The following TENM3 variants were observed in gnomAD, a reference collection of about 807,000 sequenced individuals.
TENM3 encodes teneurin transmembrane protein 3.
In TENM3, 63 loss-of-function variants were observed where a neutral mutation model predicts 255.1. That is an observed-to-expected ratio of 0.25 (90% CI 0.20 to 0.30). TENM3 has a LOEUF of 0.30. Ranked by LOEUF, TENM3 falls within the 10% of genes least tolerant of loss-of-function variation. The pLI, the probability that TENM3 is intolerant of heterozygous loss-of-function variation, is 1.00. For missense variants in TENM3, 2,929 were observed against 3,461.1 expected, an observed-to-expected ratio of 0.85 and a Z score of 3.86; for synonymous variants, 1,306 against 1,322.3, an observed-to-expected ratio of 0.99 and a Z score of 0.27.
the TENM3 span, among the ~76,000 whole-genome samples, chr4:181,629,105 T>A: frequency 6.6e-6 from 1 of 152,316 alleles, no homozygotes; most frequent in East Asian, 1.9e-4. Context: ...CAATTGTGAA[T>A]GGGAGTTCAC....
the TENM3 span, among the ~76,000 whole-genome samples, chr4:181,711,513 T>A: frequency 6.6e-6 from 1 of 152,220 alleles, no homozygotes; most frequent in African/African-American, 2.4e-5. Flanking sequence ...AAAACAATCC[T>A]ATTTGACATT....
At chr4:182,533,071 AAG>A (rs1739932753) in intron 3 of TENM3, among the ~76,000 whole-genome samples, 2 of 152,210 alleles carry the variant, frequency 1.3e-5, no homozygotes, top group South Asian at 4.1e-4. Flanking sequence ...TTGAGCACTA[AAG>A]AGAGTTGTGC....
At chr4:182,157,183 G>A (rs974666282) in intron 1 of TENM3, among the ~76,000 whole-genome samples, 2 of 152,076 alleles carry the variant, frequency 1.3e-5, no homozygotes, top group African/African-American at 4.8e-5. Context: ...ATAACAAAGG[G>A]GCCCTGGGGC....
the TENM3 span, among the ~76,000 whole-genome samples, chr4:181,628,643 T>G: frequency 6.6e-6 from 1 of 152,214 alleles, no homozygotes; most frequent in Non-Finnish European, 1.5e-5. Context: ...CAGATGGTTG[T>G]AGATGTGTGG....
intron 3 of TENM3, among the ~76,000 whole-genome samples, chr4:182,582,295 C>T (rs1489421644): frequency 6.6e-6 from 1 of 152,168 alleles, no homozygotes; most frequent in Non-Finnish European, 1.5e-5. Flanking sequence ...AATAATTATT[C>T]CTGTATAAAT....
the TENM3 span, among the ~76,000 whole-genome samples, chr4:181,489,560 A>G: frequency 2.6e-5 from 4 of 152,322 alleles, no homozygotes; most frequent in African/African-American, 7.2e-5. Context: ...TGGAAGTCTC[A>G]CTGTTTATTT....
At chr4:181,776,979 G>C in the TENM3 span, among the ~76,000 whole-genome samples, 1 of 151,872 alleles carries the variant, frequency 6.6e-6, no homozygotes, top group African/African-American at 2.4e-5. Context: ...CTATGCTTTT[G>C]AAGTCTTAGC....
At chr4:181,552,043 A>G in the TENM3 span, among the ~76,000 whole-genome samples, 1 of 151,830 alleles carries the variant, frequency 6.6e-6, no homozygotes, top group Non-Finnish European at 1.5e-5. Flanking sequence ...GGTGAGAGAG[A>G]CAGAGAGAGA....
At chr4:181,665,803 AAATAAT>A in the TENM3 span, among the ~76,000 whole-genome samples, 1 of 152,238 alleles carries the variant, frequency 6.6e-6, no homozygotes, top group Admixed American at 6.5e-5. Context: ...AATTAAAAGC[AAATAAT>A]AATGTTCAAG....
chr4:182,196,155 C>T (rs1353669201), intron 1 of TENM3, among the ~76,000 whole-genome samples: 1 of 152,108 alleles, frequency 6.6e-6, no homozygotes, highest in Non-Finnish European at 1.5e-5. Flanking sequence ...CATCCCCACG[C>T]CATCCCCCGT....
chr4:181,948,183 A>G, the TENM3 span, among the ~76,000 whole-genome samples: 6 of 152,310 alleles, frequency 3.9e-5, no homozygotes. Flanking sequence ...TGGAGGTTAC[A>G]AAACACACTT....
At chr4:181,634,987 A>G in the TENM3 span, among the ~76,000 whole-genome samples, 1 of 152,174 alleles carries the variant, frequency 6.6e-6, no homozygotes, top group African/African-American at 2.4e-5. Context: ...GAAGCAGGAA[A>G]GAGAAAAATA....
At chr4:181,961,654 C>T in the TENM3 span, among the ~76,000 whole-genome samples, 1 of 152,054 alleles carries the variant, frequency 6.6e-6, no homozygotes, top group East Asian at 1.9e-4. Flanking sequence ...CTCCTGACCT[C>T]GTGATCCACC....
the TENM3 span, among the ~76,000 whole-genome samples, chr4:181,635,206 G>A: frequency 1.3e-5 from 2 of 152,070 alleles, no homozygotes; most frequent in Non-Finnish European, 2.9e-5. Flanking sequence ...ATGAATTTTC[G>A]TGACCTAAAT....
chr4:182,596,780 T>C (rs1747279058), intron 3 of TENM3, among the ~76,000 whole-genome samples: 1 of 152,218 alleles, frequency 6.6e-6, no homozygotes, highest in Admixed American at 6.5e-5. Context: ...GAAAGCCATT[T>C]GGAGTTTTCT....
intron 12 of TENM3, among the ~76,000 whole-genome samples, chr4:182,690,504 CT>C (rs1429901745): frequency 1.3e-5 from 2 of 152,164 alleles, no homozygotes; most frequent in Admixed American, 6.5e-5. Flanking sequence ...TTCCCTCATT[CT>C]TTGTGACTCC....
chr4:182,389,786 C>T lies in TENM3; in HGVS notation c.511+42857C>T, dbSNP rs375484804. The stretch of plus-strand genomic sequence containing the variant: ...CTGCAAGCTCCGCCTCCCGGGTTCG[C>T]GCCATTCTCCTGCCTCAGCCTCCCG... On this transcript the variant is annotated intron_variant, in intron 3 of 27. Coordinates refer to ENST00000511685, the MANE Select transcript of TENM3 (RefSeq NM_001080477.4). Among the ~76,000 whole-genome samples the T allele has an allele frequency of 5.3e-5, 8 of 151,012 alleles. No individual in the cohort carries two copies. In the East Asian group the frequency reaches 7.9e-4, roughly 15 times the overall value.
At chr4:182,083,479 T>G in the TENM3 span, among the ~76,000 whole-genome samples, 1 of 152,122 alleles carries the variant, frequency 6.6e-6, no homozygotes, top group South Asian at 2.1e-4. Context: ...ATCACCTAAT[T>G]TTTTATTTTT....
chr4:181,498,635 G>A, the TENM3 span, among the ~76,000 whole-genome samples: 4 of 152,248 alleles, frequency 2.6e-5, no homozygotes, highest in Admixed American at 6.5e-5. Context: ...TTAGAGTCAC[G>A]TCTAATAGGA....
Sources: allele counts gnomAD v4.1 joint callset (sites outside exome capture counted in the v4.1 genomes callset), GRCh38; gene constraint gnomAD v4.1.1; transcripts MANE v1.5; gene names NCBI Gene and HGNC (gene_info 2026-07-23, HGNC 2026-07-21).